Variants in DPY19L4 observed in about 807,000 individuals in gnomAD.
DPY19L4 encodes dpy-19 like 4, also known as probable C-mannosyltransferase DPY19L4.
A neutral mutation model predicts 102.8 loss-of-function variants in DPY19L4; 97 were observed. The ratio of observed to expected loss-of-function variants is 0.94; its 90% confidence interval spans 0.80 to 1.12. The LOEUF (loss-of-function observed/expected upper bound fraction) is 1.12, where lower values mean the gene tolerates loss of function less well. DPY19L4 is among the 50% of genes most tolerant of loss of function. DPY19L4 has a pLI of 0.00. For synonymous variants in DPY19L4, 252 were observed against 283.1 expected, an observed-to-expected ratio of 0.89 and a Z score of 1.10; for missense variants, 815 against 850.4, an observed-to-expected ratio of 0.96 and a Z score of 0.52.
intron 7 of DPY19L4, among the ~76,000 whole-genome samples, chr8:94,760,867 G>C (rs1010902737): frequency 3.3e-5 from 5 of 152,166 alleles, no homozygotes; most frequent in Non-Finnish European, 5.9e-5. Flanking sequence ...AATTGACTTA[G>C]CCAGGCAGAT....
At chr8:94,785,479 A>G (rs912344768) in intron 17 of DPY19L4, among the ~76,000 whole-genome samples, 2 of 152,250 alleles carry the variant, frequency 1.3e-5, no homozygotes, top group South Asian at 2.1e-4. Context: ...AGGCTGAAAA[A>G]GTAACATGAG....
intron 6 of DPY19L4, among the ~76,000 whole-genome samples, chr8:94,755,270 C>A (rs929489475): frequency 2.0e-5 from 3 of 152,114 alleles, no homozygotes; most frequent in Non-Finnish European, 2.9e-5. Flanking sequence ...ATTAAGTTAC[C>A]TTACATTTCT....
intron 2 of DPY19L4, among the ~76,000 whole-genome samples, chr8:94,728,025 G>A (rs1435490642): frequency 6.6e-6 from 1 of 151,936 alleles, no homozygotes; most frequent in African/African-American, 2.4e-5. Context: ...GCCATGGTGC[G>A]GTCTCTGCTT....
intron 6 of DPY19L4, among the ~76,000 whole-genome samples, chr8:94,742,452 G>C (rs897097995): frequency 1.3e-5 from 2 of 152,088 alleles, no homozygotes; most frequent in Non-Finnish European, 2.9e-5. Context: ...GAGTGCAATG[G>C]CACGATCTTG....
chr8:94,770,322 A>T, intron 12 of DPY19L4, 130 bp from the exon 13 acceptor site: 1 of 1,003,138 alleles, frequency 1.0e-6, no homozygotes, highest in Non-Finnish European at 1.4e-6. Flanking sequence ...ATTTTAAAAG[A>T]TCACCTATAT....
In DPY19L4 at chr8:94,791,794, CTTCT is replaced by C. The variant is rs1280504840; in HGVS notation, c.*1889_*1892del. Reference sequence around the variant, plus strand: ...TTGACATATTAGTAAGTTGCTTTTGCTTCTTTCTGTCAACTTATTTTTTAAATAA... The same window carrying C: ...TTGACATATTAGTAAGTTGCTTTTGCTTCTGTCAACTTATTTTTTAAATAA... On this transcript the variant is annotated 3_prime_UTR_variant, in exon 19 of 19. Transcript: ENST00000414645. 6 of 152,004 alleles carry C rather than the reference CTTCT, an allele frequency of 3.9e-5. No individual in the cohort carries two copies. The highest frequency in any genetic ancestry group is 2.1e-4 in the South Asian group (1 of 4,814). 9.4% of individuals were successfully genotyped at this position (152,004 alleles called of 1,614,324 possible). A position where few individuals can be genotyped will look rare whatever the true frequency, so the allele number is the denominator to read the frequency against.
intron 5 of DPY19L4, 21 bp downstream of exon 5, chr8:94,739,555 C>A: frequency 1.9e-6 from 3 of 1,596,180 alleles, no homozygotes; most frequent in Non-Finnish European, 2.6e-6. Flanking sequence ...TTCGTTGGAC[C>A]CTAATATTTA....
chr8:94,739,059 G>A (rs941411705), intron 4 of DPY19L4, among the ~76,000 whole-genome samples: 1 of 152,028 alleles, frequency 6.6e-6, no homozygotes, highest in Non-Finnish European at 1.5e-5. Context: ...ACACTAAATT[G>A]TTGTTAACCA....
At chr8:94,736,677 C>T (rs1050023744) in intron 3 of DPY19L4, among the ~76,000 whole-genome samples, 5 of 152,100 alleles carry the variant, frequency 3.3e-5, no homozygotes, top group Non-Finnish European at 5.9e-5. Flanking sequence ...ATTCTTAGTT[C>T]TATTAGCCTG....
intron 6 of DPY19L4, among the ~76,000 whole-genome samples, chr8:94,750,345 A>G (rs998342255): frequency 6.6e-6 from 1 of 152,252 alleles, no homozygotes; most frequent in Non-Finnish European, 1.5e-5. Flanking sequence ...TGTCATGGTC[A>G]TTAACTGTTC....
At chr8:94,743,515 G>A (rs1811538244) in intron 6 of DPY19L4, among the ~76,000 whole-genome samples, 1 of 151,788 alleles carries the variant, frequency 6.6e-6, no homozygotes, top group Admixed American at 6.6e-5. Context: ...TTGGTGGTGT[G>A]TGCCTGCAAT....
intron 3 of DPY19L4, among the ~76,000 whole-genome samples, chr8:94,736,197 G>A (rs1418034769): frequency 6.6e-6 from 1 of 152,100 alleles, no homozygotes; most frequent in Non-Finnish European, 1.5e-5. Flanking sequence ...CCATTCTTGA[G>A]GGAACTGCCC....
At position 94,734,636 on chromosome 8, in the gene DPY19L4, T is replaced by C. The variant is rs906981088; in HGVS notation, c.134T>C (p.Leu45Ser). 9 of 1,613,082 alleles carry C rather than the reference T, an allele frequency of 5.6e-6. No homozygotes were observed. The highest frequency in any genetic ancestry group is 5.0e-5 in the Admixed American group (3 of 59,928). The change falls in exon 3 of 19, where the codon TTA becomes TCA. Residue 45 changes from leucine to serine, a missense_variant. Transcript: ENST00000414645. ...TTTTAATATACTTTTTCAGATGTAT[T>C]ATTTCAACGCTTTGCAAAGATTTTC... The part of the protein sequence containing the change: ...PIPERAPKHV[L>S]FQRFAKIFIG...
intron 6 of DPY19L4, chr8:94,744,709 A>C: frequency 2.7e-6 from 1 of 369,202 alleles, no homozygotes; most frequent in South Asian, 2.1e-5. Context: ...CTACTTAAAC[A>C]AAAGAATAAG....
At chr8:94,751,092 C>T (rs1238571802) in intron 6 of DPY19L4, among the ~76,000 whole-genome samples, 1 of 147,274 alleles carries the variant, frequency 6.8e-6, no homozygotes, top group Non-Finnish European at 1.5e-5. Context: ...CCAAAATTTC[C>T]TTTCTAATAC....
rs140869521 is a variant in DPY19L4, at chr8:94,755,637, G to A, written c.612-399G>A. Among the ~76,000 whole-genome samples, 1,237 of 152,220 alleles carry A rather than the reference G, an allele frequency of 8.1e-3. 19 individuals are homozygous for A. Among genetic ancestry groups the A allele is most frequent in the African/African-American group, 0.028 (1,159 of 41,540 alleles). On this transcript the variant is annotated intron_variant, in intron 6 of 18. Coordinates refer to ENST00000414645, the MANE Select transcript of DPY19L4 (RefSeq NM_181787.3). ...GGGCTGGGTGCGGTGGCTCATGCCTGTAATCCCAGCACTTTGGGAGGTCGA... is the reference window on the plus strand; with the variant it reads ...GGGCTGGGTGCGGTGGCTCATGCCTATAATCCCAGCACTTTGGGAGGTCGA...
rs1382530302 is a variant in DPY19L4 at position 94,770,405 on chromosome 8, T to C, written c.1335-47T>C. 5 of 1,546,062 alleles carry C rather than the reference T, an allele frequency of 3.2e-6. No homozygotes were observed. In the South Asian group the frequency reaches 4.9e-5, roughly 15 times the overall value. On this transcript the variant is annotated intron_variant, in intron 12 of 18. Transcript: ENST00000414645. ...GATAAACAATGTATCTTTGGTTTTT[T>C]ACAAATACATTTTCAAAGTATTAAA...
At chr8:94,735,159 T>G (rs959716105) in intron 3 of DPY19L4, among the ~76,000 whole-genome samples, 4 of 152,346 alleles carry the variant, frequency 2.6e-5, no homozygotes, top group Non-Finnish European at 4.4e-5. Flanking sequence ...CACATAGTAT[T>G]AAGATTTTGT....
chr8:94,728,296 C>T (rs1810779862), intron 2 of DPY19L4, among the ~76,000 whole-genome samples: 2 of 152,222 alleles, frequency 1.3e-5, no homozygotes, highest in African/African-American at 2.4e-5. Context: ...CACTGTTGGA[C>T]AGGGACAGGA....
Sources: gnomAD v4.1 joint callset for allele counts (sites outside exome capture counted in the v4.1 genomes callset) on GRCh38, gnomAD v4.1.1 for gene constraint, MANE v1.5 for transcripts, NCBI Gene and HGNC (gene_info 2026-07-23, HGNC 2026-07-21) for gene names.